GALNT17: variants seen among roughly 807,000 people sequenced by gnomAD.
GALNT17 encodes the protein polypeptide N-acetylgalactosaminyltransferase 17.
GALNT17 carries 29 observed loss-of-function variants against 63.7 expected under a neutral mutation model. The observed-to-expected ratio is 0.46, with a 90% confidence interval of 0.34 to 0.62. GALNT17 has a LOEUF of 0.62. Ranked by LOEUF, GALNT17 falls within the 20% of genes least tolerant of loss-of-function variation. The pLI is 0.01. For missense variants in GALNT17, 603 were observed against 799.6 expected (o/e 0.75, Z 2.97); for synonymous variants, 305 against 318.3 (o/e 0.96, Z 0.45).
intron 5 of GALNT17, among the ~76,000 whole-genome samples, chr7:71,451,313 T>G (rs1300988586): frequency 6.6e-6 from 1 of 152,212 alleles, no homozygotes; most frequent in African/African-American, 2.4e-5. Flanking sequence ...TCGACAGCCT[T>G]TCCAGGATTT....
At chr7:71,492,731 T>C (rs1334944344) in intron 5 of GALNT17, among the ~76,000 whole-genome samples, 2 of 152,204 alleles carry the variant, frequency 1.3e-5, no homozygotes, top group Non-Finnish European at 2.9e-5. Flanking sequence ...CGTAGAACCG[T>C]TGTGAGAATG....
chr7:71,365,687 TAAAG>T (rs1792491558), intron 2 of GALNT17, among the ~76,000 whole-genome samples: 6 of 152,292 alleles, frequency 3.9e-5, no homozygotes, highest in South Asian at 4.1e-4. Flanking sequence ...TTTTTTAATT[TAAAG>T]AAAGTATCCA....
At chr7:71,271,010 C>A (rs953504148) in intron 1 of GALNT17, among the ~76,000 whole-genome samples, 3 of 151,772 alleles carry the variant, frequency 2.0e-5, no homozygotes, top group African/African-American at 7.3e-5. Context: ...TCATCATGAC[C>A]CTTTAAACAC....
chr7:71,420,023 C>T (rs988127800), intron 4 of GALNT17, among the ~76,000 whole-genome samples: 6 of 152,180 alleles, frequency 3.9e-5, no homozygotes, highest in Admixed American at 1.3e-4. Context: ...ATGGGATTTT[C>T]GCTTGACTCT....
At chr7:71,235,763 G>C (rs1304561736) in intron 1 of GALNT17, among the ~76,000 whole-genome samples, 1 of 152,182 alleles carries the variant, frequency 6.6e-6, no homozygotes, top group Non-Finnish European at 1.5e-5. Flanking sequence ...GCACCGGGAA[G>C]CATGAGGAAG....
At chr7:71,134,676 A>G (rs1024989427) in intron 1 of GALNT17, among the ~76,000 whole-genome samples, 41 of 151,972 alleles carry the variant, frequency 2.7e-4, no homozygotes, top group Non-Finnish European at 4.0e-4. Context: ...CCCATAGTTC[A>G]TTTCTGGAGG....
intron 1 of GALNT17, among the ~76,000 whole-genome samples, chr7:71,146,749 T>C (rs1488585650): frequency 2.0e-5 from 3 of 152,216 alleles, no homozygotes; most frequent in African/African-American, 4.8e-5. Context: ...GCTGAGCCAC[T>C]GATAGAGAAG....
intron 5 of GALNT17, among the ~76,000 whole-genome samples, chr7:71,451,010 C>T (rs1787252878): frequency 6.6e-6 from 1 of 150,894 alleles, no homozygotes; most frequent in African/African-American, 2.4e-5. Flanking sequence ...ATACATGTGC[C>T]ATGTTGGTGT....
At chr7:71,273,382 T>C (rs1583819049) in intron 1 of GALNT17, among the ~76,000 whole-genome samples, 1 of 152,356 alleles carries the variant, frequency 6.6e-6, no homozygotes, top group East Asian at 1.9e-4. Context: ...TCAATGCTAT[T>C]CCCAGTTGGT....
intron 5 of GALNT17, among the ~76,000 whole-genome samples, chr7:71,492,149 C>T (rs1272332171): frequency 1.3e-5 from 2 of 152,160 alleles, no homozygotes; most frequent in South Asian, 2.1e-4. Flanking sequence ...CGTGGTGGCA[C>T]ATGCCTGTAA....
chr7:71,341,365 A>T (rs1792002400), intron 2 of GALNT17, among the ~76,000 whole-genome samples: 1 of 152,214 alleles, frequency 6.6e-6, no homozygotes. Context: ...AACAGAGAGA[A>T]GAAAGTCATC....
chr7:71,520,967 C>A (rs182437142), intron 5 of GALNT17, among the ~76,000 whole-genome samples: 104 of 152,270 alleles, frequency 6.8e-4, no homozygotes, highest in African/African-American at 2.4e-3. Context: ...GATAAGGGAT[C>A]AGTTCAGTCT....
chr7:71,459,976 T>C (rs1563109468), intron 5 of GALNT17, among the ~76,000 whole-genome samples: 1 of 152,184 alleles, frequency 6.6e-6, no homozygotes, highest in Non-Finnish European at 1.5e-5. Flanking sequence ...ATTCACCTTA[T>C]AGCCTGGAAG....
At chr7:71,687,647 A>G (rs1464488186) in intron 9 of GALNT17, among the ~76,000 whole-genome samples, 3 of 152,184 alleles carry the variant, frequency 2.0e-5, no homozygotes, top group Non-Finnish European at 4.4e-5. Context: ...ATTCCTAGAA[A>G]TCACCATGGG....
chr7:71,380,843 G>T (rs1792831692), intron 2 of GALNT17, among the ~76,000 whole-genome samples: 1 of 152,064 alleles, frequency 6.6e-6, no homozygotes, highest in Non-Finnish European at 1.5e-5. Context: ...GCTTGCAGGA[G>T]GGAAGTGCTT....
chr7:71,347,859 T>C (rs1158072017), intron 2 of GALNT17, among the ~76,000 whole-genome samples: 3 of 152,194 alleles, frequency 2.0e-5, no homozygotes, highest in Non-Finnish European at 4.4e-5. Flanking sequence ...TACCTCCTGC[T>C]TCTGCTTCCT....
chr7:71,585,093 C>T (rs1789695701), intron 6 of GALNT17, among the ~76,000 whole-genome samples: 1 of 152,038 alleles, frequency 6.6e-6, no homozygotes, highest in Admixed American at 6.6e-5. Context: ...TTTTATTTTT[C>T]TAAGCTGTAA....
intron 1 of GALNT17, among the ~76,000 whole-genome samples, chr7:71,163,985 C>T (rs111371120): frequency 1.1e-4 from 17 of 152,138 alleles, no homozygotes; most frequent in Non-Finnish European, 2.5e-4. Context: ...TGGAAGAAGG[C>T]TGGGTACTCT....
intron 5 of GALNT17, among the ~76,000 whole-genome samples, chr7:71,496,809 T>TA (rs1438502139): frequency 1.3e-5 from 2 of 152,044 alleles, no homozygotes; most frequent in Non-Finnish European, 2.9e-5. Context: ...GCGGAGCACT[T>TA]ACACCTGTAA....
Sources: allele counts gnomAD v4.1 joint callset (sites outside exome capture counted in the v4.1 genomes callset), GRCh38; gene constraint gnomAD v4.1.1; transcripts MANE v1.5; gene names NCBI Gene and HGNC (gene_info 2026-07-23, HGNC 2026-07-21).